The following PHF8 variants were observed in gnomAD, a reference collection of about 807,000 sequenced individuals.
The protein encoded by PHF8 is histone lysine demethylase PHF8.
In PHF8, 9 loss-of-function variants were observed where a neutral mutation model predicts 74.4. The ratio of observed to expected loss-of-function variants is 0.12; its 90% CI spans 0.07 to 0.21. The LOEUF is 0.21. PHF8 is among the 10% of genes least tolerant of loss of function. The pLI, the probability that PHF8 is intolerant of heterozygous loss-of-function variation, is 1.00. For missense variants in PHF8, 478 were observed against 816.6 expected (o/e 0.59, Z 5.05); for synonymous variants, 311 against 316.6 (o/e 0.98, Z 0.19).
intron 18 of PHF8, among the ~76,000 whole-genome samples, chrX:53,984,111 C>T: frequency 8.9e-6 from 1 of 112,517 alleles, no homozygotes; most frequent in Non-Finnish European, 1.9e-5. Context: ...CCTATAATCC[C>T]AGCACTTTGG....
chrX:54,042,580 G>C, intron 2 of PHF8, 51 bp downstream of exon 2: 1 of 1,058,082 alleles, frequency 9.5e-7, no homozygotes, highest in Non-Finnish European at 1.3e-6. Flanking sequence ...GAGAGAGCAA[G>C]TGAACACACC....
intron 18 of PHF8, among the ~76,000 whole-genome samples, chrX:53,965,242 T>C (rs1380130518): frequency 9.0e-6 from 1 of 111,521 alleles, no homozygotes; most frequent in African/African-American, 3.3e-5. Flanking sequence ...AATGGAGTAA[T>C]AGGGAGCTAA....
At position 53,985,836 on chromosome X, in the gene PHF8, T is replaced by A; in HGVS notation, c.2109A>T (p.Gly703=). ...DLLKASRQVG[G]PDYAALTEAP... ...CTCACGTGAGGGCAGCATAGTCAGGTCCCCCCACCTGCCTGCTGGCCTTGA... is the reference window on the plus strand; with the variant it reads ...CTCACGTGAGGGCAGCATAGTCAGGACCCCCCACCTGCCTGCTGGCCTTGA... Residue 703 remains glycine, a synonymous_variant, in exon 17 of 22, where the codon GGA becomes GGT. Coordinates refer to ENST00000338154, the MANE Select transcript of PHF8 (RefSeq NM_015107.3). The A allele has an allele frequency of 1.7e-6, 2 of 1,210,840 alleles. No homozygotes were observed. Among genetic ancestry groups the A allele is most frequent in the Non-Finnish European group, 2.2e-6 (2 of 895,062 alleles).
At chrX:53,947,091 A>C (rs1264440231) in intron 19 of PHF8, among the ~76,000 whole-genome samples, 2 of 111,354 alleles carry the variant, frequency 1.8e-5, no homozygotes, top group Non-Finnish European at 3.8e-5. Context: ...GGCTCACTGC[A>C]ACCTCCACCT....
chrX:54,035,724 A>T (rs2066442082), intron 2 of PHF8, among the ~76,000 whole-genome samples: 2 of 111,086 alleles, frequency 1.8e-5, no homozygotes, highest in Non-Finnish European at 3.8e-5. Flanking sequence ...GAGATTGCTT[A>T]AGCCCTGGAA....
upstream of PHF8, chrX:54,044,528 C>CG (rs372754864): frequency 3.0e-3 from 1,278 of 428,957 alleles, no homozygotes; most frequent in African/African-American, 7.0e-3. Flanking sequence ...GTGACGTCAT[C>CG]GGGGGGGCGG....
At chrX:54,047,687 G>C (rs1170130653), upstream of PHF8, among the ~76,000 whole-genome samples, 1 of 111,957 alleles carries the variant, frequency 8.9e-6, no homozygotes, top group Non-Finnish European at 1.9e-5. Context: ...TTTCCAGCAA[G>C]GGAGACGGAT....
intron 19 of PHF8, among the ~76,000 whole-genome samples, chrX:53,948,650 T>C (rs1283225069): frequency 8.9e-6 from 1 of 112,046 alleles, no homozygotes; most frequent in Non-Finnish European, 1.9e-5. Flanking sequence ...CAAGCAACTA[T>C]AGCAAAATGT....
chrX:53,994,063 G>T (rs2065711266), intron 12 of PHF8, among the ~76,000 whole-genome samples, 160 bp from the exon 13 acceptor site: 1 of 112,117 alleles, frequency 8.9e-6, no homozygotes, highest in Non-Finnish European at 1.9e-5. Context: ...GAGTCATCAA[G>T]AATTTATTGG....
intron 12 of PHF8, among the ~76,000 whole-genome samples, chrX:53,995,374 T>C (rs1433608667): frequency 8.9e-6 from 1 of 112,237 alleles, no homozygotes; most frequent in Non-Finnish European, 1.9e-5. Context: ...TTTAATCCTT[T>C]TAACAATCCT....
intron 7 of PHF8, among the ~76,000 whole-genome samples, chrX:54,012,494 A>T (rs1458358051): frequency 9.0e-6 from 1 of 111,629 alleles, no homozygotes; most frequent in African/African-American, 3.3e-5. Flanking sequence ...CTTTCCTTTG[A>T]CTTTTCTGAT....
chrX:54,021,603 G>T (rs998153783), intron 4 of PHF8, among the ~76,000 whole-genome samples: 5 of 105,787 alleles, frequency 4.7e-5, no homozygotes, highest in Non-Finnish European at 9.8e-5. Context: ...CGAGTAGCTG[G>T]GACTACAGGC....
intron 20 of PHF8, among the ~76,000 whole-genome samples, chrX:53,943,702 T>C (rs1273360748): frequency 5.4e-5 from 6 of 111,825 alleles, no homozygotes; most frequent in Admixed American, 9.5e-5. Flanking sequence ...AAGATTAAGA[T>C]AATATTATTT....
chrX:53,993,679 A>G lies in PHF8; in HGVS notation c.1548T>C (p.Pro516=), dbSNP rs1557102011. 3.1e-5 allele frequency: 37 copies of G among 1,208,409 alleles called. No individual in the cohort carries two copies. The highest frequency in any genetic ancestry group is 4.0e-5 in the Non-Finnish European group (36 of 892,039). Residue 516 remains proline (P), a synonymous_variant, in exon 13 of 22, where the codon CCT becomes CCC. Coordinates refer to ENST00000338154, the MANE Select transcript of PHF8 (RefSeq NM_015107.3). ...TGAGATTATAGCTCAACTGGCCAGC[A>G]GGCCCCAAGGCTGAACTCTCCTTGC... ...RKGKESSALG[P]AGQLSYNLMD...
intron 19 of PHF8, among the ~76,000 whole-genome samples, chrX:53,956,677 T>TGC (rs2065018403): frequency 1.1e-5 from 1 of 95,051 alleles, no homozygotes; most frequent in African/African-American, 3.9e-5. Context: ...AATATGTGCG[T>TGC]GTGTGTGTGT....
At chrX:54,002,018 A>T (rs782583697) in intron 10 of PHF8, 137 bp downstream of exon 10, 3 of 498,661 alleles carry the variant, frequency 6.0e-6, no homozygotes, top group Non-Finnish European at 1.1e-5. Context: ...GGTACACAAC[A>T]TGATTTTAAT....
At chrX:53,995,562 T>A (rs1377694418) in intron 12 of PHF8, 131 bp downstream of exon 12, 1 of 496,182 alleles carries the variant, frequency 2.0e-6, no homozygotes, top group Non-Finnish European at 3.6e-6. Context: ...TTTGAACGAA[T>A]GAATTGGGTC....
At chrX:54,010,644 T>C (rs372260576) in intron 8 of PHF8, among the ~76,000 whole-genome samples, 2 of 111,373 alleles carry the variant, frequency 1.8e-5, no homozygotes, top group South Asian at 3.8e-4. Context: ...CAAGTAAAGA[T>C]GTCAACTCTC....
chrX:53,985,128 C>A lies in PHF8; in HGVS notation c.2229G>T (p.Leu743=), dbSNP rs1557099139. ...SSSSSPATSS[L]QAWWTGGQDR... is the part of the protein sequence containing the mutation. Reference sequence around the variant, plus strand: ...CCTGTCCCCCAGTCCACCAGGCCTGCAGGCTAGAGGTAGCCGGTGAGGACG... The same window carrying A: ...CCTGTCCCCCAGTCCACCAGGCCTGAAGGCTAGAGGTAGCCGGTGAGGACG... Residue 743 remains leucine (L), a synonymous_variant, in exon 18 of 22, where the codon CTG becomes CTT. Coordinates refer to ENST00000338154, the MANE Select transcript of PHF8 (RefSeq NM_015107.3). 6 of 1,207,163 alleles carry A rather than the reference C, an allele frequency of 5.0e-6. No individual in the cohort carries two copies. The African/African-American group carries it at 1.0e-4, about 21-fold the overall frequency.
Sources: allele counts gnomAD v4.1 joint callset (sites outside exome capture counted in the v4.1 genomes callset), GRCh38; gene constraint gnomAD v4.1.1; transcripts MANE v1.5; gene names NCBI Gene and HGNC (gene_info 2026-07-23, HGNC 2026-07-21).